The following KHDRBS3 variants were observed in gnomAD, a reference collection of about 807,000 sequenced individuals.
The protein encoded by KHDRBS3 is KH RNA binding domain containing, signal transduction associated 3.
In KHDRBS3, 23 loss-of-function variants were observed where a neutral mutation model predicts 45.6. That is an observed-to-expected ratio of 0.50 (90% CI 0.36 to 0.72). The LOEUF (loss-of-function observed/expected upper bound fraction) is 0.72. Among genes scored for constraint, KHDRBS3 ranks in the 30% least tolerant of loss-of-function variants. The pLI is 0.00. For missense variants in KHDRBS3, 352 were observed against 424.8 expected (o/e 0.83, Z 1.51); for synonymous variants, 162 against 156.5 (o/e 1.04, Z -0.26).
intron 1 of KHDRBS3, chr8:135,458,447 C>A (rs1001654664): frequency 2.3e-5 from 5 of 220,792 alleles, no homozygotes; most frequent in Non-Finnish European, 4.5e-5. Flanking sequence ...AGTTTGGGGA[C>A]CTTGGAAGAG....
Position 135,509,590 on chromosome 8 carries a change from G to T in KHDRBS3, c.89-11647G>T, listed in dbSNP as rs749478077. ...ATGTATTTAAAATTGTTAGAATATA[G>T]TACCAAAATCCAGTAACCTACTCAT... On this transcript the variant is annotated intron_variant, in intron 1 of 8. Coordinates refer to ENST00000355849, the MANE Select transcript of KHDRBS3 (RefSeq NM_006558.3). 4.9e-4 allele frequency among the ~76,000 whole-genome samples: 74 copies of T among 152,218 alleles called. 1 individual carries two copies. The highest frequency in any genetic ancestry group is 1.6e-3 in the Admixed American group (24 of 15,290).
In KHDRBS3 at chr8:135,557,572, C is replaced by T; in HGVS notation, c.596C>T (p.Ala199Val). ...KPTLRTRGVPAPAITRGRGGV... is the reference protein window; with the variant it reads ...KPTLRTRGVPVPAITRGRGGV... ...ACCTTGCGTACAAGAGGTGTACCAGCCCCAGCAATAACCAGGTAGGTGTAA... is the reference window on the plus strand; with the variant it reads ...ACCTTGCGTACAAGAGGTGTACCAGTCCCAGCAATAACCAGGTAGGTGTAA... Residue 199 changes from alanine (A) to valine (V), a missense_variant, in exon 5 of 9, where the codon GCC becomes GTC. By Grantham distance (64) the Ala-to-Val change is moderately conservative. Transcript: ENST00000355849. 3 of 1,612,026 alleles carry T rather than the reference C, an allele frequency of 1.9e-6. No individual in the cohort carries two copies. Among genetic ancestry groups the T allele is most frequent in the Non-Finnish European group, 2.5e-6 (3 of 1,178,692 alleles).
chr8:135,602,299 G>T (rs1256646733), intron 6 of KHDRBS3, among the ~76,000 whole-genome samples: 3 of 152,126 alleles, frequency 2.0e-5, no homozygotes, highest in Non-Finnish European at 4.4e-5. Flanking sequence ...GTTGTCCACT[G>T]AACAAATAAT....
chr8:135,497,977 T>C (rs893653142), intron 1 of KHDRBS3, among the ~76,000 whole-genome samples: 4 of 152,172 alleles, frequency 2.6e-5, no homozygotes, highest in African/African-American at 9.7e-5. Context: ...CTTTTGCACT[T>C]AATTACCATG....
chr8:135,476,675 G>C (rs1172232904), intron 1 of KHDRBS3, among the ~76,000 whole-genome samples: 1 of 152,136 alleles, frequency 6.6e-6, no homozygotes, highest in African/African-American at 2.4e-5. Flanking sequence ...CATCAGAAAG[G>C]CTAACTAACT....
rs1161899796 is a variant in KHDRBS3, at chr8:135,521,463, C to T, written c.207+108C>T. 18 of 618,422 alleles carry T rather than the reference C, an allele frequency of 2.9e-5. No homozygotes were observed. The East Asian group carries it at 5.1e-4, about 18-fold the overall frequency. The allele number at this position is 618,422 out of a possible 1,614,324, so 38.3% of individuals were successfully genotyped here. On this transcript the variant is annotated intron_variant, in intron 2 of 8. Transcript: ENST00000355849. Reference sequence around the variant, plus strand: ...TTTTAGAGATGTTTTCTCTTAGCATCCCCCTACACACACTTTTAAAGTTAA... The same window carrying T: ...TTTTAGAGATGTTTTCTCTTAGCATTCCCCTACACACACTTTTAAAGTTAA...
intron 1 of KHDRBS3, among the ~76,000 whole-genome samples, chr8:135,474,863 T>C (rs1029072846): frequency 1.3e-5 from 2 of 152,118 alleles, no homozygotes; most frequent in Non-Finnish European, 2.9e-5. Context: ...ACTGGGCTCA[T>C]GTTACGGTGT....
At chr8:135,612,649 T>C (rs1033417204) in intron 7 of KHDRBS3, among the ~76,000 whole-genome samples, 2 of 151,892 alleles carry the variant, frequency 1.3e-5, no homozygotes, top group African/African-American at 4.9e-5. Context: ...GCTACAGTTA[T>C]AGTTCAGTAT....
At chr8:135,567,395 A>G (rs546827966) in intron 5 of KHDRBS3, among the ~76,000 whole-genome samples, 1 of 152,198 alleles carries the variant, frequency 6.6e-6, no homozygotes, top group South Asian at 2.1e-4. Flanking sequence ...TATTTCCCCT[A>G]TGTTTAATTA....
At chr8:135,576,625 G>A (rs957276822) in intron 5 of KHDRBS3, among the ~76,000 whole-genome samples, 63 of 151,740 alleles carry the variant, frequency 4.2e-4, no homozygotes, top group Non-Finnish European at 3.8e-4. Context: ...ACTACACATT[G>A]CTCCAGACTA....
chr8:135,603,522 C>T (rs1829312325), intron 6 of KHDRBS3, among the ~76,000 whole-genome samples: 1 of 152,168 alleles, frequency 6.6e-6, no homozygotes. Flanking sequence ...CTGTGGCTTG[C>T]AAATTGTGTT....
At chr8:135,653,395 C>T (rs1365456620) in intron 4 of KHDRBS3, among the ~76,000 whole-genome samples, 1 of 152,160 alleles carries the variant, frequency 6.6e-6, no homozygotes, top group Non-Finnish European at 1.5e-5. Flanking sequence ...TGACACTGAG[C>T]ACTTTTCAGT....
chr8:135,491,548 T>C (rs944137943), intron 1 of KHDRBS3, among the ~76,000 whole-genome samples: 28 of 152,176 alleles, frequency 1.8e-4, no homozygotes, highest in Non-Finnish European at 5.9e-5. Context: ...AATTTTAAAC[T>C]ACATGCAAGA....
rs568676591 is a variant in KHDRBS3, at chr8:135,487,316, G to A, written c.88+29362G>A. Among the ~76,000 whole-genome samples, 18 of 152,282 alleles carry A rather than the reference G, an allele frequency of 1.2e-4. 1 individual carries two copies. In the Middle Eastern group the frequency reaches 0.01, roughly 86 times the overall value. ...AGCTTAGAGGTGCTGCTGGTTCCCA[G>A]GAGGGCCATTCTTGTGTCTCTTTCT... On this transcript the variant is annotated intron_variant, in intron 1 of 8. Transcript: ENST00000355849.
intron 1 of KHDRBS3, among the ~76,000 whole-genome samples, chr8:135,503,137 A>G (rs1227306406): frequency 6.6e-6 from 1 of 152,228 alleles, no homozygotes; most frequent in Non-Finnish European, 1.5e-5. Flanking sequence ...TGACTGTGTG[A>G]TGTACTTTTA....
intron 6 of KHDRBS3, among the ~76,000 whole-genome samples, chr8:135,594,556 ACC>A (rs1828890076): frequency 6.6e-6 from 1 of 152,196 alleles, no homozygotes; most frequent in African/African-American, 2.4e-5. Flanking sequence ...AGTACTTGAT[ACC>A]TGACACATTA....
At chr8:135,463,096 C>T (rs986048803) in intron 1 of KHDRBS3, among the ~76,000 whole-genome samples, 4 of 152,094 alleles carry the variant, frequency 2.6e-5, no homozygotes, top group Admixed American at 6.5e-5. Context: ...GGTGCTCTTA[C>T]GGTGTGATCC....
intron 1 of KHDRBS3, among the ~76,000 whole-genome samples, chr8:135,478,713 C>T (rs983670994): frequency 5.3e-5 from 8 of 152,064 alleles, no homozygotes; most frequent in African/African-American, 1.9e-4. Context: ...AATTAACAAA[C>T]TCCAAAATAA....
chr8:135,560,528 T>C lies in KHDRBS3; in HGVS notation c.611+2941T>C, dbSNP rs369234804. ...GGGATACTGTGTTCCTCACACTAGA[T>C]CTGCCATTTTTACTGAATATAATTT... is the stretch of plus-strand genomic sequence containing the variant. On this transcript the variant is annotated intron_variant, in intron 5 of 8. Coordinates refer to ENST00000355849, the MANE Select transcript of KHDRBS3 (RefSeq NM_006558.3). Among the ~76,000 whole-genome samples the C allele has an allele frequency of 6.2e-4, 94 of 152,304 alleles. 2 individuals are homozygous for C. In the South Asian group the frequency reaches 0.019, roughly 31 times the overall value.
Sources: allele counts gnomAD v4.1 joint callset (sites outside exome capture counted in the v4.1 genomes callset), GRCh38; gene constraint gnomAD v4.1.1; transcripts MANE v1.5; gene names NCBI Gene and HGNC (gene_info 2026-07-23, HGNC 2026-07-21).